MYO1D: variants seen among roughly 807,000 people sequenced by gnomAD.
MYO1D encodes the protein unconventional myosin-Id.
A neutral mutation model predicts 122.0 loss-of-function variants in MYO1D; 83 were observed. The observed-to-expected ratio is 0.68, with a 90% CI of 0.57 to 0.82. The LOEUF is 0.82. Among genes scored for constraint, MYO1D ranks in the 40% least tolerant of loss-of-function variants. The pLI is 0.00. For missense variants in MYO1D, 1,157 were observed against 1,269.5 expected (o/e 0.91, Z 1.35); for synonymous variants, 464 against 446.9 (o/e 1.04, Z -0.48).
At chr17:32,688,080 G>A (rs879381852) in intron 16 of MYO1D, among the ~76,000 whole-genome samples, 2 of 152,136 alleles carry the variant, frequency 1.3e-5, no homozygotes, top group Non-Finnish European at 2.9e-5. Context: ...TATTTGAGAG[G>A]TTCTCTGCCC....
At chr17:32,798,433 C>T (rs1218882911) in intron 1 of MYO1D, among the ~76,000 whole-genome samples, 2 of 152,144 alleles carry the variant, frequency 1.3e-5, no homozygotes, top group South Asian at 2.1e-4. Flanking sequence ...AAAGAATAAT[C>T]TTCCTTGTGT....
chr17:32,766,720 A>G (rs1273297758), intron 7 of MYO1D, among the ~76,000 whole-genome samples: 1 of 152,132 alleles, frequency 6.6e-6, no homozygotes. Context: ...TGAACTCGGG[A>G]GGTGGAGCTT....
At chr17:32,613,343 A>C (rs2087727511) in intron 20 of MYO1D, among the ~76,000 whole-genome samples, 1 of 152,178 alleles carries the variant, frequency 6.6e-6, no homozygotes, top group African/African-American at 2.4e-5. Context: ...ATACACAAAA[A>C]CAAACACACC....
At chr17:32,605,814 C>A (rs1365201532) in intron 20 of MYO1D, among the ~76,000 whole-genome samples, 2 of 152,122 alleles carry the variant, frequency 1.3e-5, no homozygotes, top group Non-Finnish European at 2.9e-5. Context: ...GGTGCAGTGG[C>A]TCACACCTGT....
Position 32,654,633 on chromosome 17 carries a change from T to C in MYO1D, c.2346-12A>G, listed in dbSNP as rs1035606925. The C allele has an allele frequency of 2.5e-6, 4 of 1,592,214 alleles. No individual in the cohort carries two copies. The highest frequency in any genetic ancestry group is 1.4e-5 in the African/African-American group (1 of 73,764). On this transcript the variant is annotated splice_polypyrimidine_tract_variant and intron_variant, in intron 17 of 21. Transcript: ENST00000318217. ...GGGATGCTCTCCATCTACAAGTAAA[T>C]AGACAACATGTATTAGACTTTAGAA...
chr17:32,648,583 C>A (rs76756656), intron 19 of MYO1D, among the ~76,000 whole-genome samples: 6 of 152,146 alleles, frequency 3.9e-5, no homozygotes, highest in Non-Finnish European at 7.4e-5. Context: ...TTAACCTTCA[C>A]GGAGGGGAGA....
intron 21 of MYO1D, among the ~76,000 whole-genome samples, chr17:32,564,836 C>G (rs2087157917): frequency 6.6e-6 from 1 of 152,164 alleles, no homozygotes; most frequent in South Asian, 2.1e-4. Flanking sequence ...CCCATCAGGC[C>G]TGTCTGCATT....
intron 1 of MYO1D, among the ~76,000 whole-genome samples, chr17:32,843,307 A>G (rs2090901987): frequency 6.6e-6 from 1 of 152,224 alleles, no homozygotes; most frequent in South Asian, 2.1e-4. Flanking sequence ...ACAGCCAGCC[A>G]AACATGCAGA....
intron 21 of MYO1D, among the ~76,000 whole-genome samples, chr17:32,604,119 T>C (rs970934390): frequency 1.3e-5 from 2 of 151,746 alleles, no homozygotes; most frequent in African/African-American, 2.4e-5. Context: ...ATGAATACAA[T>C]AGAATTAGAT....
At chr17:32,870,477 C>T (rs2091168843) in intron 1 of MYO1D, among the ~76,000 whole-genome samples, 1 of 151,454 alleles carries the variant, frequency 6.6e-6, no homozygotes, top group Admixed American at 6.6e-5. Flanking sequence ...AGAAAGAATA[C>T]AGGGGTGGTG....
intron 21 of MYO1D, among the ~76,000 whole-genome samples, chr17:32,509,596 T>A (rs763874352): frequency 1.3e-5 from 2 of 152,078 alleles, no homozygotes; most frequent in African/African-American, 4.8e-5. Flanking sequence ...TTCTTTCTTT[T>A]TTTTTTTGAG....
chr17:32,697,621 C>T (rs892029253), intron 16 of MYO1D, among the ~76,000 whole-genome samples: 1 of 150,878 alleles, frequency 6.6e-6, no homozygotes, highest in Non-Finnish European at 1.5e-5. Context: ...AATCTCTTCT[C>T]CTGGAGCATG....
At chr17:32,657,990 G>C (rs1597979203) in intron 17 of MYO1D, among the ~76,000 whole-genome samples, 1 of 152,004 alleles carries the variant, frequency 6.6e-6, no homozygotes, top group Non-Finnish European at 1.5e-5. Flanking sequence ...GTAAAAAAGG[G>C]GAAAAAAATG....
intron 21 of MYO1D, among the ~76,000 whole-genome samples, chr17:32,522,827 T>C (rs1910195802): frequency 2.0e-5 from 3 of 151,596 alleles, no homozygotes; most frequent in Admixed American, 2.0e-4. Flanking sequence ...TCTTTTTTTT[T>C]TTTTTTTGAG....
intron 6 of MYO1D, among the ~76,000 whole-genome samples, chr17:32,768,965 A>G (rs1272389797): frequency 2.0e-5 from 3 of 152,192 alleles, no homozygotes; most frequent in Non-Finnish European, 4.4e-5. Flanking sequence ...TTTCTTGCCA[A>G]TCGAACCCTG....
intron 19 of MYO1D, among the ~76,000 whole-genome samples, chr17:32,640,699 C>A (rs1001808863): frequency 6.6e-6 from 1 of 150,858 alleles, no homozygotes; most frequent in Non-Finnish European, 1.5e-5. Context: ...TGTATATGTG[C>A]CACATTTTCT....
intron 1 of MYO1D, among the ~76,000 whole-genome samples, chr17:32,790,639 C>T (rs1191347094): frequency 2.0e-5 from 3 of 152,190 alleles, no homozygotes; most frequent in African/African-American, 7.2e-5. Flanking sequence ...TAGAAAAATA[C>T]AATTAAATGG....
intron 19 of MYO1D, among the ~76,000 whole-genome samples, chr17:32,644,361 G>A (rs529170297): frequency 8.7e-4 from 133 of 152,042 alleles, no homozygotes; most frequent in Admixed American, 2.9e-3. Flanking sequence ...GAATAAGTGC[G>A]GCGTGGTGCT....
intron 21 of MYO1D, among the ~76,000 whole-genome samples, chr17:32,580,986 C>A (rs573971989): frequency 1.9e-4 from 29 of 152,254 alleles, no homozygotes; most frequent in African/African-American, 6.7e-4. Flanking sequence ...AAAGCATTAT[C>A]TCCTTTTCAA....
Sources: gnomAD v4.1 joint callset for allele counts (sites outside exome capture counted in the v4.1 genomes callset) on GRCh38, gnomAD v4.1.1 for gene constraint, MANE v1.5 for transcripts, NCBI Gene and HGNC (gene_info 2026-07-23, HGNC 2026-07-21) for gene names.